LSG1: variants seen among roughly 807,000 people sequenced by gnomAD.
LSG1 encodes the protein large subunit GTPase 1 homolog.
LSG1 carries 55 observed loss-of-function variants against 82.6 expected under a neutral mutation model. The observed-to-expected ratio is 0.67, with a 90% CI of 0.54 to 0.83. The LOEUF (loss-of-function observed/expected upper bound fraction) is 0.83, where lower values mean the gene tolerates loss of function less well. Ranked by LOEUF, LSG1 falls within the 40% of genes least tolerant of loss-of-function variation. The probability of loss-of-function intolerance (pLI) is 0.00; values close to 1 mark genes in which losing one functional copy is unlikely to be tolerated. For missense variants in LSG1, 809 were observed against 807.9 expected (o/e 1.00, Z -0.02); for synonymous variants, 272 against 282.5 (o/e 0.96, Z 0.37).
intron 2 of LSG1, among the ~76,000 whole-genome samples, chr3:194,667,966 T>TATATATAC (rs1406644146): frequency 7.9e-6 from 1 of 126,742 alleles, no homozygotes; most frequent in African/African-American, 3.0e-5. Context: ...TATATATATA[T>TATATATAC]ATAGCTTTAC....
intron 5 of LSG1, among the ~76,000 whole-genome samples, chr3:194,662,790 C>T (rs931306607): frequency 6.6e-6 from 1 of 151,932 alleles, no homozygotes; most frequent in African/African-American, 2.4e-5. Flanking sequence ...CACACACACA[C>T]AAAACTGACT....
At position 194,645,541 on chromosome 3, in the gene LSG1, C is replaced by CACAG. The variant is rs1560219671; in HGVS notation, c.1623+622_1623+623insCTGT. On this transcript the variant is annotated intron_variant, in intron 12 of 13. Transcript: ENST00000265245. ...ACACACACACACACAGACAGACACA[C>CACAG]ACACACACACACACACACACACACA... 94 of 40,776 alleles carry CACAG rather than the reference C, an allele frequency of 2.3e-3. 9 individuals are homozygous for CACAG. The highest frequency in any genetic ancestry group is 8.5e-3 in the African/African-American group (90 of 10,568). 2.5% of individuals were successfully genotyped at this position (40,776 alleles called of 1,614,324 possible).
At chr3:194,656,750 A>G (rs1378469037) in intron 7 of LSG1, among the ~76,000 whole-genome samples, 1 of 152,058 alleles carries the variant, frequency 6.6e-6, no homozygotes, top group Non-Finnish European at 1.5e-5. Context: ...AAACAACCCA[A>G]ATGTCCAACA....
At chr3:194,649,897 A>G (rs577665621) in intron 10 of LSG1, among the ~76,000 whole-genome samples, 96 of 150,922 alleles carry the variant, frequency 6.4e-4, no homozygotes, top group Non-Finnish European at 2.4e-4. Context: ...AAAATCTCAG[A>G]CCTTGCAGTT....
chr3:194,656,926 C>G (rs563315914), intron 7 of LSG1, among the ~76,000 whole-genome samples: 12 of 152,062 alleles, frequency 7.9e-5, no homozygotes, highest in African/African-American at 2.9e-4. Context: ...CATATTCTCA[C>G]TCATAGGTGG....
At chr3:194,667,752 G>A (rs1389579387) in intron 2 of LSG1, among the ~76,000 whole-genome samples, 5 of 150,600 alleles carry the variant, frequency 3.3e-5, no homozygotes, top group South Asian at 4.2e-4. Flanking sequence ...TGAAACCCCC[G>A]TCTCTAGTAA....
At position 194,642,081 on chromosome 3, in the gene LSG1, T is replaced by A. The variant is rs746324124; in HGVS notation, c.1964A>T (p.His655Leu). The change falls in exon 14 of 14, where the codon CAC (histidine) becomes CTC (leucine). Residue 655 changes from histidine to leucine, a missense_variant. By Grantham distance (99) the His-to-Leu change is moderately conservative (BLOSUM62 -3). Coordinates refer to ENST00000265245, the MANE Select transcript of LSG1 (RefSeq NM_018385.3). The part of the protein sequence containing the change: ...KKEKSRRLYK[H>L]LDM ...TGCAGCCCAACCTCACATATCCAGG[T>A]GCTTGTAGAGTCTACGACTTTTTTC... 3 of 1,612,456 alleles carry A rather than the reference T, an allele frequency of 1.9e-6. No homozygotes were observed. Among genetic ancestry groups the A allele is most frequent in the Non-Finnish European group, 2.5e-6 (3 of 1,180,000 alleles).
intron 5 of LSG1, among the ~76,000 whole-genome samples, chr3:194,661,552 C>T (rs1718930404): frequency 6.6e-6 from 1 of 152,218 alleles, no homozygotes; most frequent in South Asian, 2.1e-4. Context: ...CAGTGTTCCG[C>T]CCTCAGTGCC....
At chr3:194,652,583 T>G (rs903016786) in intron 8 of LSG1, 146 bp downstream of exon 8, 7 of 831,712 alleles carry the variant, frequency 8.4e-6, no homozygotes, top group Non-Finnish European at 1.3e-5. Context: ...TCCCACTGCC[T>G]AATCCCGTGA....
chr3:194,663,035 A>G (rs1371175110), intron 5 of LSG1, among the ~76,000 whole-genome samples: 3 of 152,218 alleles, frequency 2.0e-5, no homozygotes, highest in Non-Finnish European at 4.4e-5. Flanking sequence ...AAGAAAAGGA[A>G]CAAAGAGGAA....
intron 8 of LSG1, 178 bp from the exon 9 acceptor site, chr3:194,651,394 T>C (rs1014723455): frequency 5.0e-6 from 3 of 594,932 alleles, no homozygotes; most frequent in Non-Finnish European, 9.0e-6. Context: ...GGTATATTTA[T>C]TCAGACACAT....
chr3:194,645,571 GACAGACACACACAC>G lies in LSG1; in HGVS notation c.1623+579_1623+592del, dbSNP rs1718524958. Among the ~76,000 whole-genome samples, 71 of 41,312 alleles carry G rather than the reference GACAGACACACACAC, an allele frequency of 1.7e-3. 6 individuals are homozygous for G. Among genetic ancestry groups the G allele is most frequent in the Middle Eastern group, 0.013 (1 of 76 alleles). 27.1% of individuals were successfully genotyped at this position (41,312 alleles called of 152,430 possible). ...ACACACACACACACACACACACACA[GACAGACACACACAC>G]ACACACACACACACACACACACACA... On this transcript the variant is annotated intron_variant, in intron 12 of 13. Coordinates refer to ENST00000265245, the MANE Select transcript of LSG1 (RefSeq NM_018385.3).
chr3:194,643,105 A>C (rs187902400), intron 13 of LSG1, among the ~76,000 whole-genome samples: 2 of 152,358 alleles, frequency 1.3e-5, no homozygotes, highest in Admixed American at 1.3e-4. Context: ...GTAGTCACTT[A>C]AAAACATTTT....
intron 7 of LSG1, among the ~76,000 whole-genome samples, chr3:194,655,229 T>C (rs1225314431): frequency 1.3e-5 from 2 of 152,152 alleles, no homozygotes; most frequent in African/African-American, 4.8e-5. Flanking sequence ...GCCCTAAAAA[T>C]AAGACAGTCA....
At chr3:194,664,875 G>A (rs1363661398) in intron 5 of LSG1, among the ~76,000 whole-genome samples, 1 of 152,100 alleles carries the variant, frequency 6.6e-6, no homozygotes, top group African/African-American at 2.4e-5. Context: ...AGCTGAGATC[G>A]TGCCATTGCA....
intron 7 of LSG1, 119 bp from the exon 8 acceptor site, chr3:194,653,261 TC>T: frequency 9.5e-7 from 1 of 1,049,372 alleles, no homozygotes; most frequent in Non-Finnish European, 1.4e-6. Context: ...AAGCCTGTAA[TC>T]CCAGCACTTT....
intron 1 of LSG1, among the ~76,000 whole-genome samples, chr3:194,671,707 T>C (rs1489091766): frequency 6.6e-6 from 1 of 152,238 alleles, no homozygotes; most frequent in Admixed American, 6.5e-5. Context: ...GGATCCATTC[T>C]TTGAACAAAT....
At chr3:194,651,887 G>A (rs1414001189) in intron 8 of LSG1, among the ~76,000 whole-genome samples, 1 of 152,136 alleles carries the variant, frequency 6.6e-6, no homozygotes, top group Non-Finnish European at 1.5e-5. Flanking sequence ...ATTACACCTA[G>A]GTCTGTCTGA....
At chr3:194,651,538 A>T in intron 8 of LSG1, 2 of 311,598 alleles carry the variant, frequency 6.4e-6, no homozygotes, top group South Asian at 7.8e-5. Flanking sequence ...AGTGGTTTCC[A>T]TCGCATCTTC....
Sources: gnomAD v4.1 joint callset for allele counts (sites outside exome capture counted in the v4.1 genomes callset) on GRCh38, gnomAD v4.1.1 for gene constraint, MANE v1.5 for transcripts, NCBI Gene and HGNC (gene_info 2026-07-23, HGNC 2026-07-21) for gene names.